APBA2: variants seen among roughly 807,000 people sequenced by gnomAD.
APBA2 encodes the protein amyloid-beta A4 precursor protein-binding family A member 2.
Under a neutral mutation model 75.0 loss-of-function variants are expected in APBA2, and 30 were observed. That is an observed-to-expected ratio of 0.40 (90% CI 0.30 to 0.54). APBA2 has a LOEUF of 0.54. Among genes scored for constraint, APBA2 ranks in the 20% least tolerant of loss-of-function variants. The pLI, the probability that APBA2 is intolerant of heterozygous loss-of-function variation, is 0.49. For missense variants in APBA2, 801 were observed against 1,016.1 expected (o/e 0.79, Z 2.88); for synonymous variants, 444 against 409.6 (o/e 1.08, Z -1.01).
intron 2 of APBA2, among the ~76,000 whole-genome samples, chr15:28,950,502 C>T (rs2035802619): frequency 6.6e-6 from 1 of 152,038 alleles, no homozygotes; most frequent in Non-Finnish European, 1.5e-5. Flanking sequence ...TGGTGGGCAC[C>T]TGTAGTCCCA....
intron 10 of APBA2, among the ~76,000 whole-genome samples, chr15:29,103,439 C>T (rs369767673): frequency 1.4e-4 from 22 of 152,352 alleles, no homozygotes; most frequent in African/African-American, 2.6e-4. Context: ...GGCTTGGCTG[C>T]GAGTTGGGGC....
intron 3 of APBA2, among the ~76,000 whole-genome samples, chr15:29,037,615 A>G (rs1378159675): frequency 6.6e-6 from 1 of 152,114 alleles, no homozygotes; most frequent in Non-Finnish European, 1.5e-5. Flanking sequence ...ATCAGGCCAG[A>G]GTGACTGGGA....
chr15:29,055,524 GC>G (rs1260957975), intron 4 of APBA2, among the ~76,000 whole-genome samples: 1 of 152,160 alleles, frequency 6.6e-6, no homozygotes, highest in Non-Finnish European at 1.5e-5. Context: ...TCCAAAAAAA[GC>G]CTCACTGTGA....
intron 3 of APBA2, among the ~76,000 whole-genome samples, chr15:29,023,128 GA>G: frequency 6.6e-6 from 1 of 152,118 alleles, no homozygotes; most frequent in African/African-American, 2.4e-5. Context: ...AATATTGTCT[GA>G]AAAAAATGCC....
At chr15:29,083,655 C>T (rs546158881) in intron 6 of APBA2, among the ~76,000 whole-genome samples, 6 of 152,132 alleles carry the variant, frequency 3.9e-5, no homozygotes, top group Admixed American at 1.3e-4. Context: ...CTCATCCTCC[C>T]GAGTAGCTGG....
At chr15:29,087,020 A>G (rs967054841) in intron 6 of APBA2, among the ~76,000 whole-genome samples, 5 of 152,274 alleles carry the variant, frequency 3.3e-5, no homozygotes, top group African/African-American at 1.2e-4. Flanking sequence ...GGTAAATGGT[A>G]GTGGATTAGA....
Position 28,930,902 on chromosome 15 carries a change from C to G in APBA2, c.-95+9153C>G, listed in dbSNP as rs927504018. ...AAGGCGGCCCCAGGCTGGCCCCACA[C>G]TGGTGGGAGCAGCAGGCAGCTCCTC... On this transcript the variant is annotated intron_variant, in intron 2 of 14. Transcript: ENST00000683413. Among the ~76,000 whole-genome samples, 3 of 152,206 alleles carry G rather than the reference C, an allele frequency of 2.0e-5. No individual in the cohort carries two copies. The South Asian group carries it at 6.2e-4, about 31-fold the overall frequency.
intron 2 of APBA2, among the ~76,000 whole-genome samples, chr15:28,922,668 C>T (rs1595463350): frequency 1.3e-5 from 2 of 152,116 alleles, no homozygotes; most frequent in East Asian, 3.9e-4. Flanking sequence ...CCACTGGCCT[C>T]CCCATGGTTT....
intron 1 of APBA2, among the ~76,000 whole-genome samples, chr15:28,898,903 G>A (rs2032674739): frequency 6.6e-6 from 1 of 152,244 alleles, no homozygotes; most frequent in South Asian, 2.1e-4. Context: ...ATCAGGGTAT[G>A]TAAACCCGAG....
At chr15:28,963,517 C>A (rs932574540) in intron 2 of APBA2, among the ~76,000 whole-genome samples, 3 of 152,132 alleles carry the variant, frequency 2.0e-5, no homozygotes, top group African/African-American at 7.2e-5. Context: ...GTGCCAGAGT[C>A]GGAATTTGAA....
At chr15:29,082,143 T>C (rs1296204065) in intron 6 of APBA2, among the ~76,000 whole-genome samples, 1 of 152,238 alleles carries the variant, frequency 6.6e-6, no homozygotes, top group Non-Finnish European at 1.5e-5. Context: ...AAACACTATT[T>C]CGTATGTTCA....
In APBA2 at chr15:28,920,109, G is replaced by A. The variant is rs553289701; in HGVS notation, c.-204-1531G>A. On this transcript the variant is annotated intron_variant, in intron 1 of 14. Transcript: ENST00000683413. ...TGTGCCCTCTCGGGGCCAGGTAGGAGCCTGAGAGGGAATGGGAGAAGTGGT... is the reference window on the plus strand; with the variant it reads ...TGTGCCCTCTCGGGGCCAGGTAGGAACCTGAGAGGGAATGGGAGAAGTGGT... 2.6e-5 allele frequency among the ~76,000 whole-genome samples: 4 copies of A among 152,322 alleles called. No individual in the cohort carries two copies. The East Asian group carries it at 7.7e-4, about 29-fold the overall frequency.
intron 2 of APBA2, among the ~76,000 whole-genome samples, chr15:28,943,243 T>C (rs1485063960): frequency 6.6e-6 from 1 of 152,170 alleles, no homozygotes; most frequent in Admixed American, 6.5e-5. Flanking sequence ...ACACCGGTTC[T>C]GGCCAGGCTA....
chr15:29,091,337 C>T (rs960664105), intron 6 of APBA2, among the ~76,000 whole-genome samples: 2 of 152,044 alleles, frequency 1.3e-5, no homozygotes, highest in Non-Finnish European at 2.9e-5. Context: ...CCCAGGGGCA[C>T]GCAGACCCAC....
chr15:29,112,182 G>T (rs1166154153), intron 13 of APBA2, among the ~76,000 whole-genome samples: 1 of 152,224 alleles, frequency 6.6e-6, no homozygotes, highest in Non-Finnish European at 1.5e-5. Flanking sequence ...CCGGGAGCTG[G>T]TGGGCAGGGA....
In APBA2 at chr15:28,922,124, C is replaced by G. The variant is rs551269054; in HGVS notation, c.-95+375C>G. 3.9e-5 allele frequency among the ~76,000 whole-genome samples: 6 copies of G among 152,288 alleles called. No individual in the cohort carries two copies. The South Asian group carries it at 8.3e-4, about 21-fold the overall frequency. ...CCTCCTGGTGGAGCTGTGCTGCTTT[C>G]TTGGGCAGCCTCCCTTCCCCATGGG... On this transcript the variant is annotated intron_variant, in intron 2 of 14. Coordinates refer to ENST00000683413, the MANE Select transcript of APBA2 (RefSeq NM_001353788.2).
rs750898375 is a variant in APBA2 at position 29,098,573 on chromosome 15, G to A, written c.1335G>A (p.Thr445=). 18 of 1,612,746 alleles carry A rather than the reference G, an allele frequency of 1.1e-5. No homozygotes were observed. Among genetic ancestry groups the A allele is most frequent in the South Asian group, 2.2e-5 (2 of 91,054 alleles). ...TQRIKVLNAD[T]QETMMDHALR... The stretch of plus-strand genomic sequence containing the variant: ...GGATCAAGGTTTTAAATGCAGACAC[G>A]CAGGTAAGCGTTTAAGACAGTTGTT... The change falls in exon 9 of 15, where the codon ACG becomes ACA. Residue 445 remains threonine, a synonymous_variant. Transcript: ENST00000683413.
At chr15:29,108,880 G>C (rs901423051) in intron 13 of APBA2, among the ~76,000 whole-genome samples, 4 of 152,246 alleles carry the variant, frequency 2.6e-5, no homozygotes, top group Non-Finnish European at 5.9e-5. Flanking sequence ...GCCTGGAGGA[G>C]GTGATGCTGG....
chr15:29,060,505 T>C (rs1380068177), intron 4 of APBA2, among the ~76,000 whole-genome samples: 3 of 152,208 alleles, frequency 2.0e-5, no homozygotes, highest in African/African-American at 4.8e-5. Context: ...GTGGGGGAAC[T>C]GTGCAGTGTT....
Sources: gnomAD v4.1 joint callset for allele counts (sites outside exome capture counted in the v4.1 genomes callset) on GRCh38, gnomAD v4.1.1 for gene constraint, MANE v1.5 for transcripts, NCBI Gene and HGNC (gene_info 2026-07-23, HGNC 2026-07-21) for gene names.